GRID2: variants seen among roughly 807,000 people sequenced by gnomAD.
The protein encoded by GRID2 is glutamate receptor ionotropic, delta-2.
Under a neutral mutation model 114.8 loss-of-function variants are expected in GRID2, and 33 were observed. The ratio of observed to expected loss-of-function variants is 0.29; its 90% CI spans 0.22 to 0.38. The LOEUF is 0.38. GRID2 is among the 10% of genes least tolerant of loss of function. GRID2 has a pLI of 1.00. For synonymous variants in GRID2, 505 were observed against 449.9 expected (o/e 1.12, Z -1.55); for missense variants, 1,184 against 1,257.7 (o/e 0.94, Z 0.89).
intron 8 of GRID2, among the ~76,000 whole-genome samples, chr4:93,321,069 T>C (rs7693210): frequency 5.3e-5 from 8 of 152,194 alleles, no homozygotes; most frequent in African/African-American, 1.7e-4. Flanking sequence ...GGCCTTATAT[T>C]CCTACTGTGA....
intron 1 of GRID2, among the ~76,000 whole-genome samples, chr4:92,405,546 T>C (rs1403214780): frequency 6.6e-6 from 1 of 152,116 alleles, no homozygotes; most frequent in Non-Finnish European, 1.5e-5. Flanking sequence ...TTCCTTGCTG[T>C]GGGTGTTAAA....
rs577389495 is a variant in GRID2 at position 92,749,395 on chromosome 4, A to G, written c.244+159109A>G. Among the ~76,000 whole-genome samples the G allele has an allele frequency of 2.5e-3, 358 of 144,256 alleles. 2 individuals are homozygous for G. The highest frequency in any genetic ancestry group is 8.9e-3 in the African/African-American group (338 of 38,038). 94.6% of individuals were successfully genotyped at this position (144,256 alleles called of 152,430 possible). A position where few individuals can be genotyped will look rare whatever the true frequency, so the allele number is the denominator to read the frequency against. ...AGTGGCGCGATCTCAGCTCACTGCA[A>G]CCTCCGCCTCCCGGGCTCAAGCAAT... On this transcript the variant is annotated intron_variant, in intron 2 of 15. Coordinates refer to ENST00000282020, the MANE Select transcript of GRID2 (RefSeq NM_001510.4).
chr4:92,398,425 A>G (rs1420690195), intron 1 of GRID2, among the ~76,000 whole-genome samples: 2 of 151,562 alleles, frequency 1.3e-5, no homozygotes, highest in Non-Finnish European at 2.9e-5. Context: ...CTCGGCCTCC[A>G]GAGTAGCTGG....
At chr4:93,157,378 T>G (rs1233013090) in intron 4 of GRID2, among the ~76,000 whole-genome samples, 1 of 151,768 alleles carries the variant, frequency 6.6e-6, no homozygotes. Flanking sequence ...TAATGTAGTT[T>G]TTAAAATAAA....
intron 13 of GRID2, among the ~76,000 whole-genome samples, chr4:93,619,835 C>T (rs1489350508): frequency 6.6e-6 from 1 of 152,196 alleles, no homozygotes; most frequent in African/African-American, 2.4e-5. Flanking sequence ...TTCTGTGGCC[C>T]TTGCCGTAAA....
rs114208445 is a variant in GRID2 at position 92,975,746 on chromosome 4, G to A, written c.245-109249G>A. On this transcript the variant is annotated intron_variant, in intron 2 of 15. Transcript: ENST00000282020. ...CAGCATATCAAGAAATTTGAGCACTGCAACTCTAGGTTACAAATTATTATC... is the reference window on the plus strand; with the variant it reads ...CAGCATATCAAGAAATTTGAGCACTACAACTCTAGGTTACAAATTATTATC... 5.3e-3 allele frequency among the ~76,000 whole-genome samples: 811 copies of A among 152,176 alleles called. 8 individuals carry two copies. The highest frequency in any genetic ancestry group is 0.019 in the African/African-American group (776 of 41,548).
At chr4:93,217,123 T>A in intron 6 of GRID2, 2 of 379,180 alleles carry the variant, frequency 5.3e-6, no homozygotes, top group Non-Finnish European at 4.7e-6. Context: ...ACTTGCTTAA[T>A]AAAAAAATAT....
At chr4:93,229,400 C>A (rs369975752) in intron 7 of GRID2, among the ~76,000 whole-genome samples, 1 of 152,002 alleles carries the variant, frequency 6.6e-6, no homozygotes, top group Admixed American at 6.6e-5. Context: ...CCCACTCATG[C>A]GGGCTGGAGA....
intron 4 of GRID2, among the ~76,000 whole-genome samples, chr4:93,178,623 A>C (rs1739592093): frequency 6.6e-6 from 1 of 151,624 alleles, no homozygotes; most frequent in African/African-American, 2.4e-5. Flanking sequence ...CCTGACCTCA[A>C]GTGATCCTCC....
chr4:93,621,984 G>A (rs1319594705), intron 13 of GRID2, among the ~76,000 whole-genome samples: 1 of 152,162 alleles, frequency 6.6e-6, no homozygotes, highest in Admixed American at 6.5e-5. Flanking sequence ...TAACAGCAAA[G>A]CAATATGTCG....
intron 2 of GRID2, among the ~76,000 whole-genome samples, chr4:92,802,477 C>T (rs1393528652): frequency 3.3e-5 from 5 of 151,368 alleles, no homozygotes; most frequent in Non-Finnish European, 5.9e-5. Flanking sequence ...CAGCCCTTTG[C>T]TAGTTGTACT....
intron 2 of GRID2, among the ~76,000 whole-genome samples, chr4:92,650,256 C>T (rs936369086): frequency 1.3e-5 from 2 of 151,968 alleles, no homozygotes; most frequent in African/African-American, 4.8e-5. Flanking sequence ...TTTATAACGA[C>T]CTTCTTCTAC....
intron 2 of GRID2, among the ~76,000 whole-genome samples, chr4:93,039,999 A>G (rs1725343106): frequency 6.6e-6 from 1 of 152,182 alleles, no homozygotes; most frequent in East Asian, 1.9e-4. Context: ...AGTCAAATGC[A>G]CAGGAATTTA....
intron 1 of GRID2, among the ~76,000 whole-genome samples, chr4:92,521,375 A>G (rs558381855): frequency 6.6e-6 from 1 of 152,104 alleles, no homozygotes; most frequent in South Asian, 2.1e-4. Context: ...AAAGAAAGTC[A>G]TATTTCAGAT....
chr4:92,475,123 AATAATAAATAAT>A (rs1722236956), intron 1 of GRID2, among the ~76,000 whole-genome samples: 2 of 121,802 alleles, frequency 1.6e-5, no homozygotes, highest in South Asian at 5.4e-4. Context: ...GTATAATAAT[AATAATAAATAAT>A]AATAATAATA....
intron 14 of GRID2, among the ~76,000 whole-genome samples, chr4:93,743,342 G>A (rs1358136865): frequency 6.6e-6 from 1 of 152,224 alleles, no homozygotes; most frequent in African/African-American, 2.4e-5. Context: ...GGAAGCTACA[G>A]CAAGTTCTCT....
chr4:93,620,005 C>G (rs571363614), intron 13 of GRID2, among the ~76,000 whole-genome samples: 6 of 152,306 alleles, frequency 3.9e-5, no homozygotes, highest in South Asian at 2.1e-4. Flanking sequence ...AGGAAGATAG[C>G]CTTGATCTCA....
At chr4:93,086,890 G>A (rs1174909511) in intron 3 of GRID2, among the ~76,000 whole-genome samples, 1 of 151,840 alleles carries the variant, frequency 6.6e-6, no homozygotes, top group Admixed American at 6.6e-5. Flanking sequence ...AACTTAAATG[G>A]TATTTTCTTT....
intron 2 of GRID2, among the ~76,000 whole-genome samples, chr4:92,862,347 A>C (rs1475169803): frequency 6.6e-6 from 1 of 152,106 alleles, no homozygotes; most frequent in Non-Finnish European, 1.5e-5. Flanking sequence ...CTATAACGTG[A>C]AAATTCTAAT....
Sources: gnomAD v4.1 joint callset for allele counts (sites outside exome capture counted in the v4.1 genomes callset) on GRCh38, gnomAD v4.1.1 for gene constraint, MANE v1.5 for transcripts, NCBI Gene and HGNC (gene_info 2026-07-23, HGNC 2026-07-21) for gene names.